The following FGF12 variants were observed in gnomAD, a reference collection of about 807,000 sequenced individuals.
FGF12 encodes fibroblast growth factor 12.
A neutral mutation model predicts 23.6 loss-of-function variants in FGF12; 14 were observed. That is an observed-to-expected ratio of 0.59 (90% CI 0.39 to 0.93). FGF12 has a LOEUF of 0.93. Among genes scored for constraint, FGF12 ranks in the 40% least tolerant of loss-of-function variants. The pLI, the probability that FGF12 is intolerant of heterozygous loss-of-function variation, is 0.00. For synonymous variants in FGF12, 62 were observed against 77.3 expected (o/e 0.80, Z 1.04); for missense variants, 175 against 217.8 (o/e 0.80, Z 1.24).
intron 2 of FGF12, among the ~76,000 whole-genome samples, chr3:192,705,709 G>C (rs370959299): frequency 6.6e-6 from 1 of 152,172 alleles, no homozygotes; most frequent in Non-Finnish European, 1.5e-5. Flanking sequence ...AAGTGAGCAC[G>C]TGCTTTAGAA....
intron 2 of FGF12, among the ~76,000 whole-genome samples, chr3:192,588,163 G>C (rs1015291242): frequency 6.6e-6 from 1 of 151,008 alleles, no homozygotes; most frequent in Non-Finnish European, 1.5e-5. Context: ...GGCTAACACG[G>C]TGAAACCCCG....
chr3:192,350,506 G>C (rs1002574267), intron 3 of FGF12, among the ~76,000 whole-genome samples: 1 of 152,044 alleles, frequency 6.6e-6, no homozygotes, highest in African/African-American at 2.4e-5. Context: ...GGACTGAGAT[G>C]TATATAGATT....
chr3:192,278,886 C>T (rs564131681), intron 4 of FGF12, among the ~76,000 whole-genome samples: 1 of 152,306 alleles, frequency 6.6e-6, no homozygotes, highest in Non-Finnish European at 1.5e-5. Context: ...TCTCCATAGT[C>T]TAACTAGTCC....
chr3:192,160,279 A>G (rs1714792921), intron 5 of FGF12, among the ~76,000 whole-genome samples: 1 of 152,138 alleles, frequency 6.6e-6, no homozygotes, highest in Non-Finnish European at 1.5e-5. Context: ...GGTGGTTACA[A>G]GCCCTCAATT....
At chr3:192,533,149 G>A (rs1725137312) in intron 2 of FGF12, among the ~76,000 whole-genome samples, 3 of 152,162 alleles carry the variant, frequency 2.0e-5, no homozygotes, top group South Asian at 4.1e-4. Context: ...CTTCAAAAGT[G>A]TATAATGGTT....
chr3:192,711,883 C>T (rs1718695269), intron 2 of FGF12, among the ~76,000 whole-genome samples: 1 of 149,656 alleles, frequency 6.7e-6, no homozygotes, highest in Admixed American at 6.7e-5. Context: ...ACCTTCCCTC[C>T]ACTATTGTCC....
chr3:192,713,049 C>G (rs1252982242), intron 2 of FGF12, among the ~76,000 whole-genome samples: 2 of 151,870 alleles, frequency 1.3e-5, no homozygotes, highest in Admixed American at 1.3e-4. Flanking sequence ...AAGCTGGGCA[C>G]GTAAAAACAA....
At chr3:192,167,757 A>T (rs1457869059) in intron 5 of FGF12, among the ~76,000 whole-genome samples, 589 of 30,568 alleles carry the variant, frequency 0.019, 23 homozygotes, top group South Asian at 0.042. Context: ...ATATATATAT[A>T]TATATATATA....
chr3:192,258,553 T>G (rs79442798), intron 4 of FGF12, among the ~76,000 whole-genome samples: 2,895 of 152,304 alleles, frequency 0.019, 74 homozygotes, highest in African/African-American at 0.055. Flanking sequence ...AAGCAGTATG[T>G]AGTTGATTCA....
At chr3:192,448,721 G>A (rs1397668512) in intron 2 of FGF12, among the ~76,000 whole-genome samples, 1 of 152,108 alleles carries the variant, frequency 6.6e-6, no homozygotes, top group Admixed American at 6.6e-5. Flanking sequence ...AACAGGGCCA[G>A]TAATATAAAT....
chr3:192,165,160 G>A (rs1577192884), intron 5 of FGF12, among the ~76,000 whole-genome samples: 3 of 151,654 alleles, frequency 2.0e-5, no homozygotes, highest in Non-Finnish European at 2.9e-5. Flanking sequence ...TCATCATGTC[G>A]GCCAGGCTGG....
chr3:192,431,339 A>G (rs1010012443), intron 2 of FGF12, among the ~76,000 whole-genome samples: 11 of 152,208 alleles, frequency 7.2e-5, no homozygotes, highest in Non-Finnish European at 1.2e-4. Flanking sequence ...CAAAATAGAA[A>G]GGAGCTGATT....
intron 5 of FGF12, among the ~76,000 whole-genome samples, chr3:192,158,378 C>CTTTCTTTCTT (rs1560171507): frequency 7.2e-5 from 8 of 111,166 alleles, no homozygotes; most frequent in African/African-American, 2.5e-4. Flanking sequence ...TTCTTTCTTT[C>CTTTCTTTCTT]TTTCTTTTCT....
intron 5 of FGF12, among the ~76,000 whole-genome samples, chr3:192,148,204 G>A (rs1348473713): frequency 6.6e-6 from 1 of 152,170 alleles, no homozygotes; most frequent in African/African-American, 2.4e-5. Context: ...AAAGATGGAA[G>A]CACCAAAATG....
chr3:192,474,933 C>T (rs953786551), intron 2 of FGF12, among the ~76,000 whole-genome samples: 1 of 151,402 alleles, frequency 6.6e-6, no homozygotes, highest in Non-Finnish European at 1.5e-5. Context: ...AAAACAAAGC[C>T]CACAAAGAGA....
chr3:192,576,843 T>C (rs908692188), intron 2 of FGF12, among the ~76,000 whole-genome samples: 4 of 152,280 alleles, frequency 2.6e-5, no homozygotes, highest in African/African-American at 9.6e-5. Context: ...AAAGAAAATG[T>C]GACACATAGA....
chr3:192,719,015 G>T (rs1157191119), intron 2 of FGF12, among the ~76,000 whole-genome samples: 1 of 151,840 alleles, frequency 6.6e-6, no homozygotes, highest in Non-Finnish European at 1.5e-5. Context: ...GAGAGGTTTA[G>T]TACACTGAGG....
intron 2 of FGF12, among the ~76,000 whole-genome samples, chr3:192,433,423 G>T (rs1012891684): frequency 1.3e-5 from 2 of 152,094 alleles, no homozygotes; most frequent in Non-Finnish European, 1.5e-5. Flanking sequence ...TACTTACCAA[G>T]CAAATATTTA....
intron 2 of FGF12, among the ~76,000 whole-genome samples, chr3:192,376,403 C>T (rs1200034619): frequency 3.3e-5 from 5 of 151,622 alleles, no homozygotes; most frequent in African/African-American, 7.3e-5. Context: ...ACTCTTGTTG[C>T]CCAGGCTAGA....
Sources: allele counts gnomAD v4.1 joint callset (sites outside exome capture counted in the v4.1 genomes callset), GRCh38; gene constraint gnomAD v4.1.1; transcripts MANE v1.5; gene names NCBI Gene and HGNC (gene_info 2026-07-23, HGNC 2026-07-21).